Variants in OLA1 observed in about 807,000 individuals in gnomAD.
OLA1 encodes the protein obg-like ATPase 1.
Under a neutral mutation model 48.4 loss-of-function variants are expected in OLA1, and 14 were observed. The ratio of observed to expected loss-of-function variants is 0.29; its 90% CI spans 0.19 to 0.45. The LOEUF (loss-of-function observed/expected upper bound fraction) is 0.45, where lower values mean the gene tolerates loss of function less well. OLA1 is among the 20% of genes least tolerant of loss of function. The pLI is 1.00. For synonymous variants in OLA1, 127 were observed against 150.4 expected, an observed-to-expected ratio of 0.84 and a Z score of 1.14; for missense variants, 325 against 467.1, an observed-to-expected ratio of 0.70 and a Z score of 2.80.
chr2:174,086,346 C>T (rs1295338158), intron 7 of OLA1, among the ~76,000 whole-genome samples: 1 of 152,048 alleles, frequency 6.6e-6, no homozygotes. Context: ...GAAACTGTTC[C>T]TTGACTCTTA....
At chr2:174,183,241 T>C (rs1687586898) in intron 4 of OLA1, among the ~76,000 whole-genome samples, 1 of 152,194 alleles carries the variant, frequency 6.6e-6, no homozygotes, top group Admixed American at 6.5e-5. Flanking sequence ...AGACCCGAAG[T>C]TAGCAGAAAG....
intron 1 of OLA1, chr2:174,247,723 G>C (rs1199740723): frequency 6.4e-7 from 1 of 1,551,124 alleles, no homozygotes; most frequent in South Asian, 1.2e-5. Flanking sequence ...CTGAAGGTAC[G>C]GCTCATCAGT....
intron 7 of OLA1, among the ~76,000 whole-genome samples, chr2:174,113,465 G>A (rs1259612824): frequency 2.6e-5 from 4 of 151,912 alleles, no homozygotes; most frequent in Admixed American, 6.6e-5. Context: ...ATGATATTGC[G>A]TAAAAATGCA....
chr2:174,205,672 T>C (rs1688095986), intron 4 of OLA1, among the ~76,000 whole-genome samples: 1 of 152,112 alleles, frequency 6.6e-6, no homozygotes, highest in Non-Finnish European at 1.5e-5. Flanking sequence ...GTCAGTCAAA[T>C]CCAGGACAGT....
At chr2:174,134,411 C>T (rs988153450) in intron 5 of OLA1, among the ~76,000 whole-genome samples, 1 of 152,118 alleles carries the variant, frequency 6.6e-6, no homozygotes, top group Non-Finnish European at 1.5e-5. Flanking sequence ...ATATTCATCA[C>T]CTCATACATT....
chr2:174,189,881 A>T (rs78216523), intron 4 of OLA1, among the ~76,000 whole-genome samples: 15 of 147,002 alleles, frequency 1.0e-4, no homozygotes, highest in African/African-American at 3.3e-4. Flanking sequence ...AAAAAAACAA[A>T]ACACACACAC....
chr2:174,083,628 C>T (rs958945303), intron 7 of OLA1, among the ~76,000 whole-genome samples: 3 of 151,922 alleles, frequency 2.0e-5, no homozygotes, highest in East Asian at 1.9e-4. Context: ...CTTCTGTCTC[C>T]GTTAACATTA....
chr2:174,089,675 G>T (rs1685061362), intron 7 of OLA1, among the ~76,000 whole-genome samples: 1 of 152,076 alleles, frequency 6.6e-6, no homozygotes, highest in Non-Finnish European at 1.5e-5. Flanking sequence ...GCCGAGGCGG[G>T]GGGATTGCTT....
intron 4 of OLA1, among the ~76,000 whole-genome samples, chr2:174,146,791 C>A (rs1686611322): frequency 6.6e-6 from 1 of 152,106 alleles, no homozygotes; most frequent in Admixed American, 6.5e-5. Context: ...TCCAAAAGAG[C>A]TAAATTTTAG....
At chr2:174,169,019 CGCAATCTCAGCTCACT>C (rs1558987214) in intron 4 of OLA1, among the ~76,000 whole-genome samples, 1 of 151,832 alleles carries the variant, frequency 6.6e-6, no homozygotes, top group Non-Finnish European at 1.5e-5. Context: ...AGTGCAATGG[CGCAATCTCAGCTCACT>C]GCAACCTCAG....
intron 4 of OLA1, among the ~76,000 whole-genome samples, chr2:174,191,360 T>C (rs1687774113): frequency 6.6e-6 from 1 of 152,202 alleles, no homozygotes. Flanking sequence ...AGAAAAGTCT[T>C]CCTAAAGTCT....
intron 4 of OLA1, among the ~76,000 whole-genome samples, chr2:174,173,196 C>T (rs1052392507): frequency 6.6e-6 from 1 of 152,196 alleles, no homozygotes; most frequent in African/African-American, 2.4e-5. Context: ...CGAAAAACAT[C>T]AGATCCACCA....
chr2:174,190,046 A>G (rs999309833), intron 4 of OLA1, among the ~76,000 whole-genome samples: 2 of 152,174 alleles, frequency 1.3e-5, no homozygotes, highest in African/African-American at 2.4e-5. Flanking sequence ...GTAAATGCCA[A>G]AAGTAAGGTA....
chr2:174,099,528 T>C (rs1258327415), intron 7 of OLA1, among the ~76,000 whole-genome samples: 1 of 152,182 alleles, frequency 6.6e-6, no homozygotes, highest in Non-Finnish European at 1.5e-5. Flanking sequence ...TGGCCCTGTG[T>C]ATGAAAAGCT....
At position 174,205,726 on chromosome 2, in the gene OLA1, A is replaced by G. The variant is rs1688097412; in HGVS notation, c.373+17307T>C. ...GCCACAGAGTGAGCAAGGACAGCAA[A>G]GACAGAGTTGGAGTGGGAGGAGAAG... On this transcript the variant is annotated intron_variant, in intron 4 of 10. Coordinates refer to ENST00000284719, the MANE Select transcript of OLA1 (RefSeq NM_013341.5). Among the ~76,000 whole-genome samples the G allele has an allele frequency of 2.6e-5, 4 of 152,340 alleles. No individual in the cohort carries two copies. In the South Asian group the frequency reaches 8.3e-4, roughly 32 times the overall value.
chr2:174,108,015 T>G (rs1221141751), intron 7 of OLA1, among the ~76,000 whole-genome samples: 1 of 152,094 alleles, frequency 6.6e-6, no homozygotes, highest in African/African-American at 2.4e-5. Context: ...ATATTATCTC[T>G]TTTCAAAATT....
intron 4 of OLA1, among the ~76,000 whole-genome samples, chr2:174,203,361 G>A (rs929464053): frequency 5.3e-5 from 8 of 151,952 alleles, no homozygotes; most frequent in African/African-American, 9.6e-5. Flanking sequence ...AATTCAATTC[G>A]TAAAGATTAA....
intron 7 of OLA1, among the ~76,000 whole-genome samples, chr2:174,120,393 C>T (rs1474727910): frequency 6.6e-6 from 1 of 152,124 alleles, no homozygotes; most frequent in Non-Finnish European, 1.5e-5. Flanking sequence ...AATGCTTGTG[C>T]TCACCAAAAA....
intron 4 of OLA1, among the ~76,000 whole-genome samples, chr2:174,167,413 T>C (rs1214180912): frequency 1.3e-5 from 2 of 152,120 alleles, no homozygotes; most frequent in Admixed American, 6.5e-5. Flanking sequence ...CTGTCTCTAC[T>C]AAAAATGCAA....
Sources: gnomAD v4.1 joint callset for allele counts (sites outside exome capture counted in the v4.1 genomes callset) on GRCh38, gnomAD v4.1.1 for gene constraint, MANE v1.5 for transcripts, NCBI Gene and HGNC (gene_info 2026-07-23, HGNC 2026-07-21) for gene names.